PCSK7: variants seen among roughly 807,000 people sequenced by gnomAD.
PCSK7 encodes the protein lymphoma proprotein convertase.
A neutral mutation model predicts 73.3 loss-of-function variants in PCSK7; 38 were observed. The ratio of observed to expected loss-of-function variants is 0.52; its 90% CI spans 0.40 to 0.68. The LOEUF is 0.68. Ranked by LOEUF, PCSK7 falls within the 30% of genes least tolerant of loss-of-function variation. The probability of loss-of-function intolerance (pLI) is 0.00; values close to 1 mark genes in which losing one functional copy is unlikely to be tolerated. For synonymous variants in PCSK7, 296 were observed against 383.8 expected (o/e 0.77, Z 2.68); for missense variants, 692 against 991.5 (o/e 0.70, Z 4.06).
In PCSK7 at chr11:117,218,501, G is replaced by T; in HGVS notation, c.1499C>A (p.Pro500Gln). ...SPVLKENKAI[P>Q]QSPRSLEVLW... ...GACCTCCAGGGAACGGGGGGACTGC[G>T]GAATCGCCTTGTTTTCTTTTAACAC... Residue 500 changes from proline to glutamine, a missense_variant, in exon 12 of 17, where the codon CCG becomes CAG. Physicochemically the swap from Pro to Gln is moderately conservative, Grantham distance 76 (BLOSUM62 -1). Around this residue, in one of 6 missense-constraint regions of PCSK7, gnomAD observed 574 missense variants for 689.8 expected, o/e 0.83. Coordinates refer to ENST00000320934, the MANE Select transcript of PCSK7 (RefSeq NM_004716.4). The surrounding 1 kb of genome is among the most constrained non-coding windows in gnomAD (Gnocchi z 4.0). 6.2e-7 allele frequency: 1 copy of T among 1,609,454 alleles called. No homozygotes were observed. Among genetic ancestry groups the T allele is most frequent in the Non-Finnish European group, 8.5e-7 (1 of 1,177,596 alleles).
At chr11:117,226,558 T>A (rs2032437875) in intron 5 of PCSK7, 1 of 158,914 alleles carries the variant, frequency 6.3e-6, no homozygotes, top group Non-Finnish European at 1.4e-5. Context: ...CTGTGGCACT[T>A]TCAGAGAAGG....
chr11:117,215,001 C>T (rs958202708), intron 12 of PCSK7: 6 of 152,156 alleles, frequency 3.9e-5, no homozygotes, highest in Non-Finnish European at 8.8e-5. Context: ...GTAGAGATTT[C>T]AGACCAGCGT....
chr11:117,219,709 T>C lies in PCSK7; in HGVS notation c.1205A>G (p.His402Arg), dbSNP rs762860166. 6.2e-7 allele frequency: 1 copy of C among 1,608,494 alleles called. No individual in the cohort carries two copies. Among genetic ancestry groups the C allele is most frequent in the African/African-American group, 1.3e-5 (1 of 74,792 alleles). The part of the protein sequence containing the change: ...LQKGTGCTEG[H>R]TGTSAAAPLA... ...AGGCGCTGCAGCTGAGGTCCCTGTG[T>C]GGCCCTCAGTGCAGCCAGTGCCCTT... is the stretch of plus-strand genomic sequence containing the variant. Residue 402 changes from histidine to arginine, a missense_variant, in exon 10 of 17, where the codon CAC (histidine) becomes CGC (arginine). Physicochemically the swap from His to Arg is conservative, Grantham distance 29. Coordinates refer to ENST00000320934, the MANE Select transcript of PCSK7 (RefSeq NM_004716.4).
intron 2 of PCSK7, 142 bp from the exon 3 acceptor site, chr11:117,229,998 T>A (rs568300528): frequency 1.7e-6 from 1 of 595,406 alleles, no homozygotes; most frequent in East Asian, 2.9e-5. Flanking sequence ...TTTGATCTTC[T>A]CTTTTTGTTC....
chr11:117,225,034 A>T, intron 6 of PCSK7: 3 of 297,830 alleles, frequency 1.0e-5, no homozygotes, highest in African/African-American at 2.2e-5. Flanking sequence ...CTCCTGATCT[A>T]GGGATCAGAG....
At chr11:117,210,138 G>A (rs1479759549) in intron 12 of PCSK7, 1 of 152,122 alleles carries the variant, frequency 6.6e-6, no homozygotes, top group Admixed American at 6.5e-5. Context: ...CTCCAAATAA[G>A]CTCTATGGAT....
At chr11:117,226,242 T>C in intron 5 of PCSK7, 1 of 546,596 alleles carries the variant, frequency 1.8e-6, no homozygotes, top group South Asian at 2.2e-5. Flanking sequence ...GTTCAAGCGA[T>C]TGTCTTGCCT....
intron 10 of PCSK7, 96 bp downstream of exon 10, chr11:117,219,495 A>G: frequency 1.7e-6 from 2 of 1,168,784 alleles, no homozygotes; most frequent in East Asian, 2.4e-5. Flanking sequence ...GAGACTTAGT[A>G]TCTAACATTT....
Position 117,218,993 on chromosome 11 carries a change from G to T in PCSK7, c.1431+64C>A. On this transcript the variant is annotated intron_variant, in intron 11 of 16. Transcript: ENST00000320934. This position sits in a 1 kb window ranked among gnomAD's most constrained non-coding sequence, Gnocchi z 4.0. Reference sequence around the variant, plus strand: ...ACCTATGATATCCCAGGCAGTTTGGGGCATTCAGCTCCGACCCTTGGTCAC... The same window carrying T: ...ACCTATGATATCCCAGGCAGTTTGGTGCATTCAGCTCCGACCCTTGGTCAC... The T allele has an allele frequency of 9.4e-7, 1 of 1,058,622 alleles. No individual in the cohort carries two copies. Among genetic ancestry groups the T allele is most frequent in the East Asian group, 2.5e-5 (1 of 40,176 alleles). 65.6% of individuals were successfully genotyped at this position (1,058,622 alleles called of 1,614,324 possible).
intron 10 of PCSK7, 191 bp from the exon 11 acceptor site, chr11:117,219,355 G>T: frequency 1.6e-6 from 1 of 632,478 alleles, no homozygotes; most frequent in East Asian, 2.8e-5. Context: ...CCACTGGCTT[G>T]CTTCTAGAGA....
At chr11:117,215,396 A>ATATATATG (rs1555044312) in intron 12 of PCSK7, 36 of 60,864 alleles carry the variant, frequency 5.9e-4, no homozygotes, top group African/African-American at 4.9e-3. Context: ...ATATATATAT[A>ATATATATG]TATATATATA....
At chr11:117,223,499 C>T in intron 8 of PCSK7, 191 bp from the exon 9 acceptor site, 1 of 585,244 alleles carries the variant, frequency 1.7e-6, no homozygotes, top group Non-Finnish European at 3.1e-6. Context: ...TGGCAGAGGG[C>T]ATTCTGTGCC....
chr11:117,219,085 T>C lies in PCSK7; in HGVS notation c.1403A>G (p.Asn468Ser), dbSNP rs61729982. ...GGCTGCATTCACGAGCCTCCAGGCG[T>C]TGAGGAGGCCGAAACCGTGCTGGTG... ...HSHQHGFGLL[N>S]AWRLVNAAKI... is the part of the protein sequence containing the mutation. The change falls in exon 11 of 17, where the codon AAC becomes AGC. Residue 468 changes from asparagine (N) to serine (S), a missense_variant. Asn to Ser is a conservative substitution (Grantham distance 46). Around this residue, in one of 6 missense-constraint regions of PCSK7, gnomAD observed 574 missense variants for 689.8 expected, o/e 0.83. Coordinates refer to ENST00000320934, the MANE Select transcript of PCSK7 (RefSeq NM_004716.4). 1,120 of 1,610,220 alleles carry C rather than the reference T, an allele frequency of 7.0e-4. 7 individuals carry two copies. The African/African-American group carries it at 0.014, about 20-fold the overall frequency.
intron 3 of PCSK7, among the ~76,000 whole-genome samples, chr11:117,228,803 G>A (rs1414208789): frequency 3.9e-5 from 6 of 151,948 alleles, no homozygotes; most frequent in Non-Finnish European, 7.4e-5. Context: ...TGTATTTTTA[G>A]TAGAGACAGG....
At chr11:117,228,921 G>C (rs2032534383) in intron 3 of PCSK7, among the ~76,000 whole-genome samples, 1 of 152,188 alleles carries the variant, frequency 6.6e-6, no homozygotes, top group Admixed American at 6.5e-5. Context: ...CACCGGGCCA[G>C]ATGATACACC....
At position 117,206,293 on chromosome 11, in the gene PCSK7, A is replaced by C. The variant is rs608620; in HGVS notation, c.2062T>G (p.Leu688Val). ...TTGGAAGCCACATTCCTCTGGCTCA[A>C]ATATACTTCCAGCATGTAGTAAACA... is the stretch of plus-strand genomic sequence containing the variant. Reference protein sequence around the residue: ...WTVYYMLEVYLSQRNVASNQV... With the variant: ...WTVYYMLEVYVSQRNVASNQV... Residue 688 changes from leucine (L) to valine (V), a missense_variant, in exon 17 of 17, where the codon TTG (leucine) becomes GTG (valine). Physicochemically the swap from Leu to Val is conservative, Grantham distance 32. Around this residue, in one of 6 missense-constraint regions of PCSK7, gnomAD observed 78 missense variants for 102.6 expected, o/e 0.76. Coordinates refer to ENST00000320934, the MANE Select transcript of PCSK7 (RefSeq NM_004716.4). 363 of 1,608,978 alleles carry C rather than the reference A, an allele frequency of 2.3e-4. 2 individuals are homozygous for C. The highest frequency in any genetic ancestry group is 8.0e-4 in the Admixed American group (46 of 57,474).
intron 16 of PCSK7, 40 bp from the exon 17 acceptor site, chr11:117,206,396 C>T (rs550812511): frequency 2.7e-5 from 42 of 1,577,438 alleles, no homozygotes; most frequent in Admixed American, 8.8e-5. Context: ...CACTGTTTCC[C>T]GAAGCCTACA....
At chr11:117,213,376 G>A (rs540371416) in intron 12 of PCSK7, 2 of 152,304 alleles carry the variant, frequency 1.3e-5, no homozygotes, top group East Asian at 3.9e-4. Context: ...ACACTCGCGC[G>A]TTTCAAGTTT....
In PCSK7 at chr11:117,218,412, A is replaced by AC; in HGVS notation, c.1534+53dup. The AC allele has an allele frequency of 2.1e-6, 2 of 963,558 alleles. No homozygotes were observed. Among genetic ancestry groups the AC allele is most frequent in the Non-Finnish European group, 3.1e-6 (2 of 649,252 alleles). 59.7% of individuals were successfully genotyped at this position (963,558 alleles called of 1,614,324 possible). ...GGAGGACGAGTTTAACTTCCTTGTC[A>AC]CCCGGCCCCAAACCTCAGGCCTAAG... On this transcript the variant is annotated intron_variant, in intron 12 of 16. Coordinates refer to ENST00000320934, the MANE Select transcript of PCSK7 (RefSeq NM_004716.4). This position sits in a 1 kb window ranked among gnomAD's most constrained non-coding sequence, Gnocchi z 4.0.
Sources: gnomAD v4.1 joint callset for allele counts (sites outside exome capture counted in the v4.1 genomes callset) on GRCh38, gnomAD v4.1.1 for gene constraint, gnomAD v4.1.1 regional missense constraint, Gnocchi (gnomAD v3.1) non-coding constraint, MANE v1.5 for transcripts, NCBI Gene and HGNC (gene_info 2026-07-23, HGNC 2026-07-21) for gene names.